Variants in GMDS observed in about 807,000 individuals in gnomAD.
GMDS encodes GDP-mannose 4,6 dehydratase.
A neutral mutation model predicts 49.9 loss-of-function variants in GMDS; 20 were observed. That is an observed-to-expected ratio of 0.40 (90% CI 0.28 to 0.58). GMDS has a LOEUF of 0.58. GMDS is among the 20% of genes least tolerant of loss of function. The pLI, the probability that GMDS is intolerant of heterozygous loss-of-function variation, is 0.42. For synonymous variants in GMDS, 177 were observed against 178.6 expected (o/e 0.99, Z 0.07); for missense variants, 362 against 481.4 (o/e 0.75, Z 2.32).
chr6:1,843,868 C>T (rs1757260742), intron 7 of GMDS, among the ~76,000 whole-genome samples: 1 of 152,150 alleles, frequency 6.6e-6, no homozygotes, highest in African/African-American at 2.4e-5. Context: ...TCCATCCCAC[C>T]AGGCCCCTCC....
At chr6:1,708,277 C>T (rs2113383955) in intron 9 of GMDS, among the ~76,000 whole-genome samples, 1 of 152,328 alleles carries the variant, frequency 6.6e-6, no homozygotes, top group Non-Finnish European at 1.5e-5. Flanking sequence ...TGTAACTTTC[C>T]CGACACTTGA....
rs981072018 is a variant in GMDS, at chr6:2,042,395, C to T, written c.345+73376G>A. Among the ~76,000 whole-genome samples the T allele has an allele frequency of 2.6e-5, 4 of 152,234 alleles. No homozygotes were observed. In the South Asian group the frequency reaches 8.3e-4, roughly 32 times the overall value. On this transcript the variant is annotated intron_variant, in intron 4 of 10. Coordinates refer to ENST00000380815, the MANE Select transcript of GMDS (RefSeq NM_001500.4). ...TCTACTTCCCAGTATCTCTCAAATT[C>T]ACTTCCTCCCAACCCCACCTGCACT...
intron 4 of GMDS, among the ~76,000 whole-genome samples, chr6:1,975,781 C>T (rs1440369603): frequency 6.6e-6 from 1 of 152,078 alleles, no homozygotes; most frequent in Admixed American, 6.6e-5. Flanking sequence ...AAAACTGTAC[C>T]CATAGTCTCA....
chr6:2,014,275 T>TA (rs895530059), intron 4 of GMDS, among the ~76,000 whole-genome samples: 39 of 148,990 alleles, frequency 2.6e-4, no homozygotes, highest in Admixed American at 7.3e-4. Context: ...ACAACAACCA[T>TA]AAAAAAAAAG....
intron 9 of GMDS, among the ~76,000 whole-genome samples, chr6:1,695,828 A>C (rs1324049240): frequency 1.3e-5 from 2 of 151,686 alleles, no homozygotes; most frequent in South Asian, 4.2e-4. Flanking sequence ...GAGAACAAAC[A>C]GTGCTGAGAT....
chr6:1,859,279 C>T (rs143741197), intron 7 of GMDS, among the ~76,000 whole-genome samples: 7 of 152,262 alleles, frequency 4.6e-5, no homozygotes, highest in African/African-American at 1.7e-4. Context: ...GCAAATGCTG[C>T]TGCTTGGACA....
chr6:1,689,720 C>T lies in GMDS; in HGVS notation c.987+36696G>A, dbSNP rs141115158. Among the ~76,000 whole-genome samples, 23 of 152,292 alleles carry T rather than the reference C, an allele frequency of 1.5e-4. No homozygotes were observed. In the East Asian group the frequency reaches 1.5e-3, roughly 10 times the overall value. On this transcript the variant is annotated intron_variant, in intron 9 of 10. Transcript: ENST00000380815. ...AACATTGTCTACAATTCTAATTCAA[C>T]GGTCACCTTGGCAAAGGATTAATAT...
chr6:1,986,406 T>C (rs1004584771), intron 4 of GMDS, among the ~76,000 whole-genome samples: 6 of 152,254 alleles, frequency 3.9e-5, no homozygotes, highest in East Asian at 3.9e-4. Context: ...CTTCTAAACT[T>C]ACCATCAACA....
intron 4 of GMDS, among the ~76,000 whole-genome samples, chr6:1,962,914 T>C (rs1764046777): frequency 2.0e-5 from 3 of 151,144 alleles, no homozygotes; most frequent in South Asian, 4.2e-4. Flanking sequence ...TCTTGCTCTG[T>C]CACCCAGGCT....
intron 4 of GMDS, among the ~76,000 whole-genome samples, chr6:1,984,570 C>G (rs1382651553): frequency 1.3e-5 from 2 of 152,184 alleles, no homozygotes; most frequent in Non-Finnish European, 2.9e-5. Context: ...TATAAATCTA[C>G]CCCCTTAACA....
At position 2,095,468 on chromosome 6, in the gene GMDS, C is replaced by A. The variant is rs888059159; in HGVS notation, c.345+20303G>T. 4.6e-5 allele frequency among the ~76,000 whole-genome samples: 7 copies of A among 152,008 alleles called. No individual in the cohort carries two copies. In the South Asian group the frequency reaches 8.3e-4, roughly 18 times the overall value. On this transcript the variant is annotated intron_variant, in intron 4 of 10. Transcript: ENST00000380815. ...ACACAAGAGTAAAATGATACAAATC[C>A]ATGTCTCAATAAATCTAAATAAGCT...
chr6:2,218,904 A>G (rs145540486), intron 1 of GMDS, among the ~76,000 whole-genome samples: 2 of 152,282 alleles, frequency 1.3e-5, no homozygotes, highest in East Asian at 3.9e-4. Flanking sequence ...TTTTTCACAG[A>G]TTCTAAGCAT....
At chr6:2,176,859 A>C (rs1484306501) in intron 1 of GMDS, among the ~76,000 whole-genome samples, 3 of 152,146 alleles carry the variant, frequency 2.0e-5, no homozygotes, top group Non-Finnish European at 4.4e-5. Context: ...GGGTCAGGTA[A>C]AAGGCCTGGC....
chr6:2,181,697 C>T (rs752603615), intron 1 of GMDS, among the ~76,000 whole-genome samples: 2 of 152,172 alleles, frequency 1.3e-5, no homozygotes, highest in Admixed American at 6.5e-5. Flanking sequence ...GGACCACAAA[C>T]CAAGCCCATA....
chr6:1,736,322 A>T (rs1227968714), intron 8 of GMDS, among the ~76,000 whole-genome samples: 2 of 152,166 alleles, frequency 1.3e-5, no homozygotes, highest in Non-Finnish European at 2.9e-5. Flanking sequence ...TCCAGGAGGG[A>T]GGTAGAGAGA....
At chr6:2,127,626 C>G (rs1407980176) in intron 1 of GMDS, among the ~76,000 whole-genome samples, 1 of 152,232 alleles carries the variant, frequency 6.6e-6, no homozygotes, top group Non-Finnish European at 1.5e-5. Context: ...CTTGCCAGGC[C>G]TCTCGAGTGA....
At chr6:1,671,831 A>C (rs893859914) in intron 9 of GMDS, among the ~76,000 whole-genome samples, 5 of 151,904 alleles carry the variant, frequency 3.3e-5, no homozygotes, top group Non-Finnish European at 7.4e-5. Flanking sequence ...CACCCGGCTA[A>C]TTTTTGTATT....
In GMDS at chr6:1,754,207, C is replaced by T. The variant is rs1001711398; in HGVS notation, c.772-11621G>A. 6.6e-5 allele frequency among the ~76,000 whole-genome samples: 10 copies of T among 152,220 alleles called. No homozygotes were observed. The Middle Eastern group carries it at 0.01, about 155-fold the overall frequency. On this transcript the variant is annotated intron_variant, in intron 7 of 10. Transcript: ENST00000380815. ...ATATAAAATGATAAAGGGGACATCA[C>T]CACTGATCCCACAGAAATACAAACT...
intron 1 of GMDS, among the ~76,000 whole-genome samples, chr6:2,226,510 C>A: frequency 6.6e-6 from 1 of 152,154 alleles, no homozygotes; most frequent in East Asian, 1.9e-4. Flanking sequence ...AAAAGTTAAT[C>A]GATAAATACT....
Sources: gnomAD v4.1 joint callset for allele counts (sites outside exome capture counted in the v4.1 genomes callset) on GRCh38, gnomAD v4.1.1 for gene constraint, MANE v1.5 for transcripts, NCBI Gene and HGNC (gene_info 2026-07-23, HGNC 2026-07-21) for gene names.